The following SIGLEC10 variants were observed in gnomAD, a reference collection of about 807,000 sequenced individuals.
SIGLEC10 encodes sialic acid-binding Ig-like lectin 10.
Under a neutral mutation model 68.3 loss-of-function variants are expected in SIGLEC10, and 45 were observed. The ratio of observed to expected loss-of-function variants is 0.66; its 90% CI spans 0.52 to 0.84. SIGLEC10 has a LOEUF of 0.84. Among genes scored for constraint, SIGLEC10 ranks in the 40% least tolerant of loss-of-function variants. The pLI is 0.00. For synonymous variants in SIGLEC10, 379 were observed against 370.8 expected (o/e 1.02, Z -0.26); for missense variants, 789 against 883.1 (o/e 0.89, Z 1.35).
At chr19:51,415,528 C>T (rs779575686) in intron 6 of SIGLEC10, 40 bp downstream of exon 6, 41 of 1,613,816 alleles carry the variant, frequency 2.5e-5, no homozygotes, top group Admixed American at 1.8e-4. Flanking sequence ...GCCCCCAATT[C>T]GGCACTGAGA....
intron 5 of SIGLEC10, 36 bp from the exon 6 acceptor site, chr19:51,415,651 C>G (rs1224523243): frequency 6.2e-7 from 1 of 1,613,840 alleles, no homozygotes. Flanking sequence ...CTAGACGGAC[C>G]AGGGGCTTCC....
rs1427387290 is a variant in SIGLEC10 at position 51,416,950 on chromosome 19, G to A, written c.422C>T (p.Ala141Val). Residue 141 changes from alanine to valine, a missense_variant and splice_region_variant, in exon 3 of 11, where the codon GCC (alanine) becomes GTC (valine). Transcript: ENST00000339313. ...MNDGFFLKVT[A>V]LTQKPDVYIP... is the part of the protein sequence containing the mutation. ...GTAGACATCAGGCTTCTGAGTCAGGGCTGGGACAGAGACCGTGGTGGGAGA... is the reference window on the plus strand; with the variant it reads ...GTAGACATCAGGCTTCTGAGTCAGGACTGGGACAGAGACCGTGGTGGGAGA... The A allele has an allele frequency of 1.2e-6, 2 of 1,609,618 alleles. No homozygotes were observed. The highest frequency in any genetic ancestry group is 2.2e-5 in the South Asian group (2 of 90,702).
rs1478597989 is a variant in SIGLEC10 at position 51,411,002 on chromosome 19, G to A, written c.*97C>T. 1.9e-5 allele frequency: 26 copies of A among 1,362,060 alleles called. No individual in the cohort carries two copies. The East Asian group carries it at 5.1e-4, about 27-fold the overall frequency. The allele number at this position is 1,362,060 out of a possible 1,614,324, so 84.4% of individuals were successfully genotyped here. On this transcript the variant is annotated 3_prime_UTR_variant, in exon 11 of 11. Coordinates refer to ENST00000339313, the MANE Select transcript of SIGLEC10 (RefSeq NM_033130.5). Reference sequence around the variant, plus strand: ...AGAGAGAGAGAGAGAAAGAGAGAGAGAGAGGGAGAGAAGGAAACTTTGCAC... The same window carrying A: ...AGAGAGAGAGAGAGAAAGAGAGAGAAAGAGGGAGAGAAGGAAACTTTGCAC...
Position 51,415,951 on chromosome 19 carries a change from C to A in SIGLEC10, c.971G>T (p.Arg324Leu). 1 of 1,613,572 alleles carries A rather than the reference C, an allele frequency of 6.2e-7. No homozygotes were observed. ...CTGGGAGCCAAGCCTGTTCTCCGCT[C>A]GGCAGGTGTAGCGCCCTGAATCCCC... is the stretch of plus-strand genomic sequence containing the variant. ...KAGDSGRYTC[R>L]AENRLGSQQR... Residue 324 changes from arginine (R) to leucine (L), a missense_variant, in exon 5 of 11, where the codon CGA becomes CTA. Coordinates refer to ENST00000339313, the MANE Select transcript of SIGLEC10 (RefSeq NM_033130.5).
intron 3 of SIGLEC10, 46 bp from the exon 4 acceptor site, chr19:51,416,403 C>T: frequency 4.3e-6 from 7 of 1,613,952 alleles, no homozygotes; most frequent in Non-Finnish European, 5.9e-6. Flanking sequence ...CAATTTATTC[C>T]TCACACCTGG....
At position 51,414,719 on chromosome 19, in the gene SIGLEC10, G is replaced by A. The variant is rs1346570105; in HGVS notation, c.1615+105C>T. On this transcript the variant is annotated intron_variant, in intron 8 of 10. Transcript: ENST00000339313. This position sits in a 1 kb window ranked among gnomAD's most constrained non-coding sequence, Gnocchi z 4.1. ...TTTCCTGTCTACATACAGATGCCAC[G>A]GGTCTGCTGTGTCCCTCCAAGCTCC... 5.2e-6 allele frequency: 8 copies of A among 1,537,070 alleles called. No homozygotes were observed. Among genetic ancestry groups the A allele is most frequent in the Admixed American group, 3.8e-5 (2 of 52,794 alleles).
Position 51,415,320 on chromosome 19 carries a change from C to T in SIGLEC10, c.1191G>A (p.Gln397=), listed in dbSNP as rs758787255. ...PARLSWTQRG[Q]VLSPSQPSDP... is the part of the protein sequence containing the mutation. ...CTGAGGGCTGGGAGGGGCTCAGAAC[C>T]TGTCCCCTCTGGGTCCAGCTCAGCC... Residue 397 remains glutamine, a synonymous_variant, in exon 7 of 11, where the codon CAG becomes CAA. Coordinates refer to ENST00000339313, the MANE Select transcript of SIGLEC10 (RefSeq NM_033130.5). 1.1e-5 allele frequency: 18 copies of T among 1,613,882 alleles called. No homozygotes were observed. In the South Asian group the frequency reaches 1.4e-4, roughly 13 times the overall value.
chr19:51,410,954 G>GT lies in SIGLEC10; in HGVS notation c.*144dup, dbSNP rs373467022. 7.4e-5 allele frequency: 76 copies of GT among 1,030,258 alleles called. No homozygotes were observed. The African/African-American group carries it at 9.7e-4, about 13-fold the overall frequency. The allele number at this position is 1,030,258 out of a possible 1,614,324, so 63.8% of individuals were successfully genotyped here. On this transcript the variant is annotated 3_prime_UTR_variant, in exon 11 of 11. Transcript: ENST00000339313. ...GTGAGCCACTGTGCCCTGGCCAGAT[G>GT]TTTTTTTAAAAGAGAGAGAAAGAGA...
rs371348269 is a variant in SIGLEC10 at position 51,415,889 on chromosome 19, C to T, written c.1024+9G>A. On this transcript the variant is annotated intron_variant, in intron 5 of 10. Transcript: ENST00000339313. Reference sequence around the variant, plus strand: ...CAATGGACTCCAGGCCCCTGCTGGGCACACTCACACTGCACAGAGAGGTCC... The same window carrying T: ...CAATGGACTCCAGGCCCCTGCTGGGTACACTCACACTGCACAGAGAGGTCC... 4.3e-5 allele frequency: 70 copies of T among 1,612,414 alleles called. No individual in the cohort carries two copies. Among genetic ancestry groups the T allele is most frequent in the Non-Finnish European group, 5.8e-5 (68 of 1,179,994 alleles).
At chr19:51,412,772 G>A (rs1391920302) in intron 10 of SIGLEC10, among the ~76,000 whole-genome samples, 1 of 150,568 alleles carries the variant, frequency 6.6e-6, no homozygotes, top group Non-Finnish European at 1.5e-5. Context: ...CAGCAGGCGT[G>A]GCCTTTTTTT....
Position 51,416,946 on chromosome 19 carries a change from C to T in SIGLEC10, c.426G>A (p.Leu142=). 1 of 1,610,972 alleles carries T rather than the reference C, an allele frequency of 6.2e-7. No homozygotes were observed. The highest frequency in any genetic ancestry group is 2.2e-5 in the East Asian group (1 of 44,860). ...GGATGTAGACATCAGGCTTCTGAGT[C>T]AGGGCTGGGACAGAGACCGTGGTGG... is the stretch of plus-strand genomic sequence containing the variant. ...NDGFFLKVTA[L]TQKPDVYIPE... is the part of the protein sequence containing the mutation. The change falls in exon 3 of 11, where the codon CTG becomes CTA. Residue 142 remains leucine (L), a synonymous_variant. Transcript: ENST00000339313.
At position 51,414,323 on chromosome 19, in the gene SIGLEC10, TA is replaced by T. The variant is rs1988313566; in HGVS notation, c.1709+98del. 1 of 933,542 alleles carries T rather than the reference TA, an allele frequency of 1.1e-6. No individual in the cohort carries two copies. The highest frequency in any genetic ancestry group is 1.6e-5 in the African/African-American group (1 of 60,906). 57.8% of individuals were successfully genotyped at this position (933,542 alleles called of 1,614,324 possible). ...TGTTTACTCATGTAACCTCCAGAGG[TA>T]TACTGCGTTGATCACGACCTTCACT... On this transcript the variant is annotated intron_variant, in intron 9 of 10. Transcript: ENST00000339313. This position sits in a 1 kb window ranked among gnomAD's most constrained non-coding sequence, Gnocchi z 4.1.
rs1568496471 is a variant in SIGLEC10 at position 51,414,472 on chromosome 19, A to G, written c.1659T>C (p.Phe553=). 7 of 1,613,930 alleles carry G rather than the reference A, an allele frequency of 4.3e-6. No individual in the cohort carries two copies. Among genetic ancestry groups the G allele is most frequent in the Middle Eastern group, 1.6e-4 (1 of 6,084 alleles). ...LISTAFSNGA[F]LGIGITALLF... ...GAAGAGCCGTGATGCCGATTCCCAG[A>G]AACGCTCCGTTGGAGAATGCCGTTG... Residue 553 remains phenylalanine (F), a synonymous_variant, in exon 9 of 11, where the codon TTT becomes TTC. Coordinates refer to ENST00000339313, the MANE Select transcript of SIGLEC10 (RefSeq NM_033130.5). This position sits in a 1 kb window ranked among gnomAD's most constrained non-coding sequence, Gnocchi z 4.1.
At position 51,415,624 on chromosome 19, in the gene SIGLEC10, G is replaced by T. The variant is rs754482350; in HGVS notation, c.1025-9C>A. 6.2e-7 allele frequency: 1 copy of T among 1,613,806 alleles called. No homozygotes were observed. Among genetic ancestry groups the T allele is most frequent in the Non-Finnish European group, 8.5e-7 (1 of 1,179,846 alleles). On this transcript the variant is annotated splice_polypyrimidine_tract_variant and intron_variant, in intron 5 of 10. Transcript: ENST00000339313. The stretch of plus-strand genomic sequence containing the variant: ...CAGGTTCTCTGGAGGATCTGAAATG[G>T]AGACAGGGGACCGGCTCTAGACGGA...
rs1988217209 is a variant in SIGLEC10, at chr19:51,413,695, A to C, written c.1821+17T>G. 6.2e-7 allele frequency: 1 copy of C among 1,606,522 alleles called. No individual in the cohort carries two copies. The highest frequency in any genetic ancestry group is 1.1e-5 in the South Asian group (1 of 90,844). On this transcript the variant is annotated intron_variant, in intron 10 of 10. Transcript: ENST00000339313. ...TTTAGAGAAGAGAAAAAGTGGAAGC[A>C]TGGCCCAGACACTCACCAGGGGGCC...
Position 51,411,305 on chromosome 19 carries a change from A to C in SIGLEC10, c.1888T>G (p.Ser630Ala), listed in dbSNP as rs778228821. Reference sequence around the variant, plus strand: ...TTCTGGTTCTTCTTTGATTCTGGGGAGGGAGCACCTGGTGGAAGAGGGGTC... The same window carrying C: ...TTCTGGTTCTTCTTTGATTCTGGGGCGGGAGCACCTGGTGGAAGAGGGGTC... ...PRTPLPPGAPSPESKKNQKKQ... is the reference protein window; with the variant it reads ...PRTPLPPGAPAPESKKNQKKQ... Residue 630 changes from serine to alanine, a missense_variant, in exon 11 of 11, where the codon TCC becomes GCC. Transcript: ENST00000339313. 1.2e-6 allele frequency: 2 copies of C among 1,614,072 alleles called. No homozygotes were observed. Among genetic ancestry groups the C allele is most frequent in the Non-Finnish European group, 1.7e-6 (2 of 1,180,002 alleles).
At position 51,417,259 on chromosome 19, in the gene SIGLEC10, C is replaced by T. The variant is rs762039627; in HGVS notation, c.244G>A (p.Val82Met). 11 of 1,614,130 alleles carry T rather than the reference C, an allele frequency of 6.8e-6. No homozygotes were observed. Among genetic ancestry groups the T allele is most frequent in the Non-Finnish European group, 9.3e-6 (11 of 1,180,050 alleles). ...PVATNHQSRE[V>M]EMSTRGRFQL... ...AATCGGCCCCGGGTGCTCATTTCCA[C>T]CTCTCGACTCTGGTGGTTTGTGGCC... Residue 82 changes from valine (V) to methionine (M), a missense_variant, in exon 2 of 11, where the codon GTG becomes ATG. Physicochemically the swap from Val to Met is conservative, Grantham distance 21. Transcript: ENST00000339313.
chr19:51,415,690 C>T (rs1988547602), intron 5 of SIGLEC10, 75 bp from the exon 6 acceptor site: 1 of 1,610,198 alleles, frequency 6.2e-7, no homozygotes, highest in African/African-American at 1.3e-5. Flanking sequence ...ATCCTGGACA[C>T]TGAGGTGGGG....
chr19:51,416,778 T>G lies in SIGLEC10; in HGVS notation c.594A>C (p.Ser198=), dbSNP rs747987229. The change falls in exon 3 of 11, where the codon TCA becomes TCC. Residue 198 remains serine, a synonymous_variant. Transcript: ENST00000339313. Reference sequence around the variant, plus strand: ...GGGGTCTGGGCGTGAAGCTGAGCACTGAGAAGTGGGAGGTCGTTGGTTTGG... The same window carrying G: ...GGGGTCTGGGCGTGAAGCTGAGCACGGAGAAGTGGGAGGTCGTTGGTTTGG... ...QGTKPTTSHF[S]VLSFTPRPQD... The G allele has an allele frequency of 3.1e-6, 5 of 1,614,156 alleles. No homozygotes were observed. Among genetic ancestry groups the G allele is most frequent in the Non-Finnish European group, 3.4e-6 (4 of 1,180,018 alleles).
Sources: allele counts gnomAD v4.1 joint callset (sites outside exome capture counted in the v4.1 genomes callset), GRCh38; gene constraint gnomAD v4.1.1; non-coding constraint Gnocchi (gnomAD v3.1); transcripts MANE v1.5; gene names NCBI Gene and HGNC (gene_info 2026-07-23, HGNC 2026-07-21).